Variants in EFHC1 observed in about 807,000 individuals in gnomAD.
EFHC1 encodes the protein EF-hand domain containing 1, also known as EF-hand domain-containing protein 1.
EFHC1 carries 53 observed loss-of-function variants against 69.9 expected under a neutral mutation model. That is an observed-to-expected ratio of 0.76 (90% CI 0.61 to 0.95). EFHC1 has a LOEUF of 0.95. Among genes scored for constraint, EFHC1 ranks in the 40% least tolerant of loss-of-function variants. The pLI is 0.00. For synonymous variants in EFHC1, 256 were observed against 278.4 expected, an observed-to-expected ratio of 0.92 and a Z score of 0.80; for missense variants, 739 against 798.7, an observed-to-expected ratio of 0.93 and a Z score of 0.90.
At chr6:52,470,997 G>T (rs1765423962) in intron 7 of EFHC1, among the ~76,000 whole-genome samples, 1 of 152,212 alleles carries the variant, frequency 6.6e-6, no homozygotes, top group Admixed American at 6.5e-5. Flanking sequence ...TGAGGTGTAT[G>T]TTTGTGTGTA....
intron 5 of EFHC1, among the ~76,000 whole-genome samples, chr6:52,462,674 T>A (rs918465581): frequency 1.2e-4 from 18 of 152,008 alleles, no homozygotes; most frequent in African/African-American, 4.1e-4. Context: ...TCACTTGAGG[T>A]CAGGAGTTCG....
chr6:52,489,724 A>G (rs78131023), intron 9 of EFHC1, among the ~76,000 whole-genome samples: 12 of 152,236 alleles, frequency 7.9e-5, no homozygotes, highest in African/African-American at 2.4e-5. Flanking sequence ...CTACAGATCT[A>G]TAGCTATATA....
chr6:52,423,886 T>C, intron 1 of EFHC1, 60 bp from the exon 2 acceptor site: 1 of 1,609,318 alleles, frequency 6.2e-7, no homozygotes. Flanking sequence ...AAGTTAGTTT[T>C]TTTTTTACCT....
At chr6:52,459,285 A>G (rs1765109452) in intron 5 of EFHC1, among the ~76,000 whole-genome samples, 1 of 152,246 alleles carries the variant, frequency 6.6e-6, no homozygotes, top group South Asian at 2.1e-4. Context: ...GTGAAAGGAA[A>G]AGCTAAAGAT....
intron 3 of EFHC1, among the ~76,000 whole-genome samples, chr6:52,451,601 G>T (rs1764917991): frequency 6.6e-6 from 1 of 152,336 alleles, no homozygotes; most frequent in African/African-American, 2.4e-5. Flanking sequence ...AAAATCTGAT[G>T]ATTATGTGGC....
chr6:52,481,572 T>G (rs573037928), intron 9 of EFHC1: 1 of 151,752 alleles, frequency 6.6e-6, no homozygotes, highest in East Asian at 1.9e-4. Context: ...CAGGCTGGCA[T>G]GCAGTGCCAA....
In EFHC1 at chr6:52,452,717, A is replaced by G; in HGVS notation, c.603A>G (p.Leu201=). 6.2e-7 allele frequency: 1 copy of G among 1,614,218 alleles called. No homozygotes were observed. Among genetic ancestry groups the G allele is most frequent in the African/African-American group, 1.3e-5 (1 of 75,074 alleles). Residue 201 remains leucine, a synonymous_variant, in exon 4 of 11, where the codon TTA becomes TTG. Transcript: ENST00000371068. Reference sequence around the variant, plus strand: ...TTTTAGAAAGCCAAGGAATTGAGTTAAATCCACCAGAGAAGATGGCTCTTG... The same window carrying G: ...TTTTAGAAAGCCAAGGAATTGAGTTGAATCCACCAGAGAAGATGGCTCTTG... ...QVFLESQGIE[L]NPPEKMALDP...
intron 9 of EFHC1, chr6:52,486,901 C>T (rs1459078956): frequency 6.6e-6 from 1 of 151,968 alleles, no homozygotes; most frequent in Non-Finnish European, 1.5e-5. Context: ...CTCATTTAGT[C>T]ATTAATTCAA....
chr6:52,485,477 G>C (rs1765767450), intron 9 of EFHC1: 1 of 151,796 alleles, frequency 6.6e-6, no homozygotes, highest in African/African-American at 2.4e-5. Context: ...AGCAAGCTAT[G>C]GTTTTAGATA....
chr6:52,427,259 A>T (rs1039833815), intron 2 of EFHC1, among the ~76,000 whole-genome samples: 2 of 152,186 alleles, frequency 1.3e-5, no homozygotes, highest in Non-Finnish European at 2.9e-5. Context: ...CCAACTCTAC[A>T]GGTTCCTCAC....
chr6:52,423,792 C>T, intron 1 of EFHC1, 154 bp from the exon 2 acceptor site: 1 of 1,532,070 alleles, frequency 6.5e-7, no homozygotes, highest in South Asian at 1.2e-5. Context: ...AGGCACGAGC[C>T]ACCATGCCCA....
chr6:52,472,684 T>C (rs1765464462), intron 7 of EFHC1, among the ~76,000 whole-genome samples: 1 of 148,610 alleles, frequency 6.7e-6, no homozygotes, highest in African/African-American at 2.6e-5. Flanking sequence ...ATATGTAATA[T>C]CTTTTACATA....
Position 52,492,513 on chromosome 6 carries a change from T to C in EFHC1, c.*172T>C, listed in dbSNP as rs531979255. ...AAATTGGATCTAATAGGATCTAAGATTGGTGCCTTATTTAGGGTGATAGGG... is the reference window on the plus strand; with the variant it reads ...AAATTGGATCTAATAGGATCTAAGACTGGTGCCTTATTTAGGGTGATAGGG... On this transcript the variant is annotated 3_prime_UTR_variant, in exon 11 of 11. Transcript: ENST00000371068. 7 of 735,012 alleles carry C rather than the reference T, an allele frequency of 9.5e-6. No homozygotes were observed. Among genetic ancestry groups the C allele is most frequent in the Admixed American group, 6.0e-5 (3 of 49,896 alleles). The allele number at this position is 735,012 out of a possible 1,614,324, so 45.5% of individuals were successfully genotyped here. A position where few individuals can be genotyped will look rare whatever the true frequency, so the allele number is the denominator to read the frequency against.
chr6:52,432,450 C>T lies in EFHC1; in HGVS notation c.286-5854C>T, dbSNP rs148759735. ...TTTTTCTGAAAAAGACTGTATCTTT[C>T]CTTCATTTATGAAGCTTAGTTTCAC... On this transcript the variant is annotated intron_variant, in intron 2 of 10. Transcript: ENST00000371068. Among the ~76,000 whole-genome samples the T allele has an allele frequency of 5.5e-3, 843 of 152,196 alleles. 8 individuals carry two copies. The highest frequency in any genetic ancestry group is 0.019 in the African/African-American group (793 of 41,538).
rs1562468925 is a variant in EFHC1 at position 52,495,089 on chromosome 6, TG to T, written c.*2750del. The T allele has an allele frequency of 8.8e-6, 4 of 454,054 alleles. No homozygotes were observed. Among genetic ancestry groups the T allele is most frequent in the South Asian group, 6.2e-5 (4 of 64,470 alleles). The allele number at this position is 454,054 out of a possible 1,614,324, so 28.1% of individuals were successfully genotyped here. On this transcript the variant is annotated 3_prime_UTR_variant, in exon 11 of 11. Coordinates refer to ENST00000371068, the MANE Select transcript of EFHC1 (RefSeq NM_018100.4). ...CTGTACCTGATCACCCCGGCTCTAA[TG>T]GTATGGTCTCCAAGGCTCCTTCTGA...
intron 9 of EFHC1, among the ~76,000 whole-genome samples, chr6:52,489,806 A>G (rs778341292): frequency 1.3e-4 from 20 of 152,244 alleles, no homozygotes; most frequent in Non-Finnish European, 2.2e-4. Flanking sequence ...ATTAATCTGC[A>G]ACAGTAGTAA....
intron 9 of EFHC1, among the ~76,000 whole-genome samples, chr6:52,489,824 T>C (rs896759660): frequency 1.1e-4 from 16 of 152,178 alleles, no homozygotes; most frequent in African/African-American, 3.9e-4. Flanking sequence ...TAAGAGACAA[T>C]GATGTGATTC....
intron 3 of EFHC1, 43 bp from the exon 4 acceptor site, chr6:52,452,645 A>G: frequency 6.2e-7 from 1 of 1,607,398 alleles, no homozygotes; most frequent in Non-Finnish European, 8.5e-7. Flanking sequence ...TTACTCTGAA[A>G]AGCTCCAAGA....
chr6:52,471,057 G>A (rs1461790685), intron 7 of EFHC1, among the ~76,000 whole-genome samples: 1 of 152,224 alleles, frequency 6.6e-6, no homozygotes, highest in Non-Finnish European at 1.5e-5. Flanking sequence ...CAACTAGCAA[G>A]ATGTGAAGAA....
Sources: gnomAD v4.1 joint callset for allele counts (sites outside exome capture counted in the v4.1 genomes callset) on GRCh38, gnomAD v4.1.1 for gene constraint, MANE v1.5 for transcripts, NCBI Gene and HGNC (gene_info 2026-07-23, HGNC 2026-07-21) for gene names.